CADM1: variants seen among roughly 807,000 people sequenced by gnomAD.
The protein encoded by CADM1 is TSLC-1.
In CADM1, 15 loss-of-function variants were observed where a neutral mutation model predicts 53.1. The observed-to-expected ratio is 0.28, with a 90% CI of 0.19 to 0.44. CADM1 has a LOEUF of 0.44. Among genes scored for constraint, CADM1 ranks in the 20% least tolerant of loss-of-function variants. CADM1 has a pLI of 1.00. For missense variants in CADM1, 434 were observed against 611.3 expected, an observed-to-expected ratio of 0.71 and a Z score of 3.06; for synonymous variants, 281 against 243.0, an observed-to-expected ratio of 1.16 and a Z score of -1.45.
chr11:115,241,133 A>C (rs757058929), intron 1 of CADM1, among the ~76,000 whole-genome samples: 61 of 152,078 alleles, frequency 4.0e-4, no homozygotes, highest in Non-Finnish European at 7.2e-4. Flanking sequence ...AACATGTCAA[A>C]AAGTCGAGGC....
chr11:115,209,932 A>C (rs1334865479), intron 7 of CADM1, among the ~76,000 whole-genome samples: 2 of 152,172 alleles, frequency 1.3e-5, no homozygotes, highest in African/African-American at 4.8e-5. Context: ...AAAACATACG[A>C]CACCCCTCTT....
chr11:115,244,598 TGTCA>T lies in CADM1; in HGVS notation c.125-4182_125-4179del, dbSNP rs762296835. 1.9e-4 allele frequency among the ~76,000 whole-genome samples: 29 copies of T among 152,350 alleles called. 1 individual carries two copies. The Middle Eastern group carries it at 0.017, about 89-fold the overall frequency. ...AGAGCGATTTAAATAAACTGCCTGA[TGTCA>T]TTCAGCTAAGTGGCCAAGCTGATGC... On this transcript the variant is annotated intron_variant, in intron 1 of 11. Transcript: ENST00000331581.
intron 1 of CADM1, among the ~76,000 whole-genome samples, chr11:115,420,470 G>A (rs916117870): frequency 3.9e-5 from 6 of 152,134 alleles, no homozygotes; most frequent in Non-Finnish European, 5.9e-5. Flanking sequence ...ACAAATTCAG[G>A]ACATTTAATT....
At position 115,308,739 on chromosome 11, in the gene CADM1, T is replaced by TTTTCC. The variant is rs530895127; in HGVS notation, c.125-68324_125-68320dup. Among the ~76,000 whole-genome samples the TTTTCC allele has an allele frequency of 4.3e-4, 64 of 150,438 alleles. No homozygotes were observed. The South Asian group carries it at 9.4e-3, about 22-fold the overall frequency. ...TTTTTCCTTCCTTCCCTCCCTCCCT[T>TTTTCC]TTTCCTTTCCTTTCCTTTCCCTCTT... On this transcript the variant is annotated intron_variant, in intron 1 of 11. Transcript: ENST00000331581.
intron 9 of CADM1, among the ~76,000 whole-genome samples, chr11:115,192,469 T>C (rs1485950430): frequency 6.6e-6 from 1 of 152,236 alleles, no homozygotes; most frequent in Non-Finnish European, 1.5e-5. Context: ...TTGACAATAT[T>C]CCTATTTCTA....
At chr11:115,455,769 T>G (rs578092312) in intron 1 of CADM1, among the ~76,000 whole-genome samples, 6 of 152,356 alleles carry the variant, frequency 3.9e-5, no homozygotes, top group Non-Finnish European at 7.3e-5. Flanking sequence ...GTGGCCAACA[T>G]GGTGAAGTAC....
intron 1 of CADM1, among the ~76,000 whole-genome samples, chr11:115,484,354 G>A (rs1392446939): frequency 1.3e-5 from 2 of 152,166 alleles, no homozygotes; most frequent in African/African-American, 4.8e-5. Context: ...TGCTCCCTGT[G>A]CTACACTAGG....
chr11:115,222,777 T>C (rs1941453978), intron 5 of CADM1, among the ~76,000 whole-genome samples: 2 of 152,148 alleles, frequency 1.3e-5, no homozygotes, highest in African/African-American at 4.8e-5. Context: ...GAATCAAATT[T>C]GATCCCATGG....
intron 1 of CADM1, among the ~76,000 whole-genome samples, chr11:115,393,958 A>G (rs1047680339): frequency 6.6e-6 from 1 of 152,190 alleles, no homozygotes; most frequent in Non-Finnish European, 1.5e-5. Context: ...AAAGAAAACA[A>G]AAAACCTTTC....
At chr11:115,394,261 G>A (rs1448356313) in intron 1 of CADM1, among the ~76,000 whole-genome samples, 1 of 152,180 alleles carries the variant, frequency 6.6e-6, no homozygotes, top group Non-Finnish European at 1.5e-5. Context: ...ATCCATAGAT[G>A]CAGTAAAAGA....
At chr11:115,188,962 G>C (rs1483072601) in intron 10 of CADM1, among the ~76,000 whole-genome samples, 2 of 151,856 alleles carry the variant, frequency 1.3e-5, no homozygotes, top group Admixed American at 1.3e-4. Context: ...ACAATCAATA[G>C]TAATTGATTA....
intron 1 of CADM1, among the ~76,000 whole-genome samples, chr11:115,490,343 C>G (rs1222839893): frequency 2.0e-5 from 3 of 151,152 alleles, no homozygotes; most frequent in African/African-American, 7.3e-5. Context: ...TGGTGGTACC[C>G]TTCATCAGAA....
chr11:115,420,480 T>C (rs146361773), intron 1 of CADM1, among the ~76,000 whole-genome samples: 29 of 152,286 alleles, frequency 1.9e-4, no homozygotes, highest in African/African-American at 5.8e-4. Flanking sequence ...GACATTTAAT[T>C]CCTCAGCTGC....
chr11:115,296,622 G>A (rs1591682829), intron 1 of CADM1, among the ~76,000 whole-genome samples: 1 of 152,276 alleles, frequency 6.6e-6, no homozygotes, highest in South Asian at 2.1e-4. Flanking sequence ...GACACAGCAT[G>A]AAAGCCCTCA....
At position 115,308,169 on chromosome 11, in the gene CADM1, GTGTGTGTA is replaced by G. The variant is rs1444423458; in HGVS notation, c.125-67757_125-67750del. Among the ~76,000 whole-genome samples, 724 of 140,494 alleles carry G rather than the reference GTGTGTGTA, an allele frequency of 5.2e-3. 7 individuals carry two copies. The highest frequency in any genetic ancestry group is 0.018 in the African/African-American group (632 of 35,924). The allele number at this position is 140,494 out of a possible 152,430, so 92.2% of individuals were successfully genotyped here. A position where few individuals can be genotyped will look rare whatever the true frequency, so the allele number is the denominator to read the frequency against. On this transcript the variant is annotated intron_variant, in intron 1 of 11. Transcript: ENST00000331581. ...TGTGTGTGTGTGTGTGTGTGTGTGT[GTGTGTGTA>G]TATCACTCATAGGTGTGTATATATA...
At chr11:115,178,802 A>G in intron 10 of CADM1, 27 bp from the exon 11 acceptor site, 1 of 1,613,294 alleles carries the variant, frequency 6.2e-7, no homozygotes, top group Non-Finnish European at 8.5e-7. Flanking sequence ...AGGAATAGGG[A>G]TGTAGAGCTT....
At chr11:115,183,111 A>G (rs1249705803) in intron 10 of CADM1, among the ~76,000 whole-genome samples, 3 of 152,220 alleles carry the variant, frequency 2.0e-5, no homozygotes, top group Non-Finnish European at 2.9e-5. Flanking sequence ...ATGGGCAATA[A>G]GAAGGGGAAG....
At chr11:115,339,529 A>G (rs77318098) in intron 1 of CADM1, among the ~76,000 whole-genome samples, 3,855 of 152,224 alleles carry the variant, frequency 0.025, 159 homozygotes, top group East Asian at 0.12. Context: ...AAACAAATGT[A>G]ATCATAACTT....
chr11:115,279,898 GTCCCCAAATGAAATTA>G (rs1449537358), intron 1 of CADM1, among the ~76,000 whole-genome samples: 1 of 152,102 alleles, frequency 6.6e-6, no homozygotes, highest in Admixed American at 6.6e-5. Context: ...ATGTTCCCCT[GTCCCCAAATGAAATTA>G]CGGCAAGCCA....
Sources: allele counts gnomAD v4.1 joint callset (sites outside exome capture counted in the v4.1 genomes callset), GRCh38; gene constraint gnomAD v4.1.1; transcripts MANE v1.5; gene names NCBI Gene and HGNC (gene_info 2026-07-23, HGNC 2026-07-21).